AAGAB: variants seen among roughly 807,000 people sequenced by gnomAD.
AAGAB encodes alpha- and gamma-adaptin-binding protein p34.
AAGAB carries 38 observed loss-of-function variants against 44.1 expected under a neutral mutation model. That is an observed-to-expected ratio of 0.86 (90% confidence interval 0.67 to 1.13). AAGAB has a LOEUF of 1.13. Ranked by LOEUF, AAGAB falls within the 50% of genes most tolerant of loss-of-function variation. The probability of loss-of-function intolerance (pLI) is 0.00; values close to 1 mark genes in which losing one functional copy is unlikely to be tolerated. For synonymous variants in AAGAB, 131 were observed against 131.8 expected (o/e 0.99, Z 0.04); for missense variants, 450 against 373.8 (o/e 1.20, Z -1.68).
At chr15:67,233,319 C>T (rs1016885769) in intron 4 of AAGAB, among the ~76,000 whole-genome samples, 1 of 152,076 alleles carries the variant, frequency 6.6e-6, no homozygotes, top group Non-Finnish European at 1.5e-5. Flanking sequence ...TTAGTACTAT[C>T]CTGCTTCTGG....
chr15:67,230,551 T>C (rs1964311326), intron 5 of AAGAB, among the ~76,000 whole-genome samples: 1 of 152,122 alleles, frequency 6.6e-6, no homozygotes, highest in Non-Finnish European at 1.5e-5. Flanking sequence ...CTGAAACAGA[T>C]CCTTCCCCGG....
chr15:67,221,888 T>C (rs558755953), intron 5 of AAGAB, among the ~76,000 whole-genome samples: 1 of 152,282 alleles, frequency 6.6e-6, no homozygotes, highest in East Asian at 1.9e-4. Context: ...GTCCTCTACA[T>C]TGCTGCAGCC....
Position 67,254,641 on chromosome 15 carries a change from C to T in AAGAB, c.-10G>A, listed in dbSNP as rs115599985. The T allele has an allele frequency of 7.9e-4, 1,248 of 1,580,928 alleles. 6 individuals are homozygous for T. The African/African-American group carries it at 0.014, about 18-fold the overall frequency. ...GTACGCCAGCAGCCATAGCTGCGCTCGCGAGCCGGTTCCGTCAGGCAGCCG... is the reference window on the plus strand; with the variant it reads ...GTACGCCAGCAGCCATAGCTGCGCTTGCGAGCCGGTTCCGTCAGGCAGCCG... On this transcript the variant is annotated 5_prime_UTR_variant, in exon 1 of 10. Coordinates refer to ENST00000261880, the MANE Select transcript of AAGAB (RefSeq NM_024666.5).
At chr15:67,214,269 G>C (rs1963890101) in intron 5 of AAGAB, among the ~76,000 whole-genome samples, 1 of 152,196 alleles carries the variant, frequency 6.6e-6, no homozygotes, top group African/African-American at 2.4e-5. Context: ...GAATAACTCA[G>C]GACTGAATAA....
At chr15:67,246,276 G>A (rs927648576) in intron 1 of AAGAB, among the ~76,000 whole-genome samples, 12 of 152,020 alleles carry the variant, frequency 7.9e-5, no homozygotes, top group African/African-American at 1.9e-4. Context: ...AGCTACTTGC[G>A]GTGGGGTCGG....
intron 1 of AAGAB, among the ~76,000 whole-genome samples, chr15:67,249,321 C>T (rs1964806127): frequency 6.6e-6 from 1 of 152,132 alleles, no homozygotes; most frequent in Non-Finnish European, 1.5e-5. Context: ...AGGCGTGAGC[C>T]ACCATGCCTG....
chr15:67,246,622 TAAACACACCAATCAGCACTCTGTAA>T (rs1311071325), intron 1 of AAGAB, among the ~76,000 whole-genome samples: 2 of 152,126 alleles, frequency 1.3e-5, no homozygotes, highest in African/African-American at 2.4e-5. Context: ...TAAAGGATTG[TAAACACACCAATCAGCACTCTGTAA>T]AAACACACCA....
chr15:67,210,590 T>C (rs1433772712), intron 5 of AAGAB, among the ~76,000 whole-genome samples: 2 of 152,014 alleles, frequency 1.3e-5, no homozygotes, highest in East Asian at 1.9e-4. Flanking sequence ...ACTCCCAGTA[T>C]GCTGTTTGTA....
intron 5 of AAGAB, among the ~76,000 whole-genome samples, chr15:67,210,385 G>A (rs960146214): frequency 6.6e-6 from 1 of 152,000 alleles, no homozygotes; most frequent in Non-Finnish European, 1.5e-5. Context: ...GCATGGTGGT[G>A]GGCACCTGTA....
intron 1 of AAGAB, among the ~76,000 whole-genome samples, chr15:67,245,050 C>T (rs1333738487): frequency 6.6e-6 from 1 of 152,078 alleles, no homozygotes; most frequent in African/African-American, 2.4e-5. Context: ...AGAATCCTCA[C>T]TTATGGGAAT....
intron 4 of AAGAB, among the ~76,000 whole-genome samples, chr15:67,232,202 C>T (rs577163033): frequency 1.2e-4 from 18 of 146,592 alleles, no homozygotes; most frequent in Admixed American, 1.1e-3. Flanking sequence ...TGTGGTGAGC[C>T]GAGATGGCAC....
intron 1 of AAGAB, among the ~76,000 whole-genome samples, chr15:67,240,543 T>C (rs867648499): frequency 7.2e-5 from 11 of 152,338 alleles, no homozygotes; most frequent in Middle Eastern, 3.4e-3. Context: ...AATAGTTAAT[T>C]TGTAGTGCTT....
rs934306678 is a variant in AAGAB at position 67,232,016 on chromosome 15, G to A, written c.452-119C>T. The A allele has an allele frequency of 2.3e-5, 16 of 703,792 alleles. No homozygotes were observed. In the African/African-American group the frequency reaches 2.5e-4, roughly 11 times the overall value. 43.6% of individuals were successfully genotyped at this position (703,792 alleles called of 1,614,324 possible). A position where few individuals can be genotyped will look rare whatever the true frequency, so the allele number is the denominator to read the frequency against. ...TGCCTGTAATCCCAGCACTTTGGGAGGCCAAGGAGGGCAGATTACCTGAGG... is the reference window on the plus strand; with the variant it reads ...TGCCTGTAATCCCAGCACTTTGGGAAGCCAAGGAGGGCAGATTACCTGAGG... On this transcript the variant is annotated intron_variant, in intron 4 of 9. Coordinates refer to ENST00000261880, the MANE Select transcript of AAGAB (RefSeq NM_024666.5).
At chr15:67,212,970 T>C (rs183696206) in intron 5 of AAGAB, among the ~76,000 whole-genome samples, 5 of 152,344 alleles carry the variant, frequency 3.3e-5, no homozygotes, top group South Asian at 2.1e-4. Context: ...TAGCAGGTAG[T>C]TGCTGAAACT....
chr15:67,246,156 G>A (rs955060727), intron 1 of AAGAB, among the ~76,000 whole-genome samples: 29 of 152,262 alleles, frequency 1.9e-4, no homozygotes, highest in African/African-American at 6.0e-4. Context: ...CAAGGTGAGC[G>A]GATCAGCTGA....
At chr15:67,215,320 T>C (rs1963918678) in intron 5 of AAGAB, among the ~76,000 whole-genome samples, 1 of 152,216 alleles carries the variant, frequency 6.6e-6, no homozygotes, top group Non-Finnish European at 1.5e-5. Flanking sequence ...GAATGTCTAA[T>C]AGAACTGTCA....
At chr15:67,228,895 A>G (rs987289365) in intron 5 of AAGAB, among the ~76,000 whole-genome samples, 2 of 152,110 alleles carry the variant, frequency 1.3e-5, no homozygotes, top group African/African-American at 4.8e-5. Context: ...ACAAATTAAC[A>G]CATGCTCCCA....
chr15:67,238,177 A>C (rs1350202391), intron 1 of AAGAB, among the ~76,000 whole-genome samples: 1 of 152,226 alleles, frequency 6.6e-6, no homozygotes, highest in East Asian at 1.9e-4. Context: ...CATGAAATTA[A>C]CTTTTAAAAT....
intron 9 of AAGAB, 122 bp from the exon 10 acceptor site, chr15:67,203,020 C>T (rs1210746679): frequency 2.4e-6 from 2 of 817,282 alleles, no homozygotes; most frequent in Non-Finnish European, 4.3e-6. Flanking sequence ...CCTCTGGCAA[C>T]ACATATCAGA....
Sources: gnomAD v4.1 joint callset for allele counts (sites outside exome capture counted in the v4.1 genomes callset) on GRCh38, gnomAD v4.1.1 for gene constraint, MANE v1.5 for transcripts, NCBI Gene and HGNC (gene_info 2026-07-23, HGNC 2026-07-21) for gene names.